PKD2L1: variants seen among roughly 807,000 people sequenced by gnomAD.
PKD2L1 encodes the protein polycystin-2-like protein 1.
In PKD2L1, 77 loss-of-function variants were observed where a neutral mutation model predicts 93.0. That is an observed-to-expected ratio of 0.83 (90% CI 0.69 to 1.00). PKD2L1 has a LOEUF of 1.00. Among genes scored for constraint, PKD2L1 ranks in the 50% least tolerant of loss-of-function variants. The pLI is 0.00. For synonymous variants in PKD2L1, 390 were observed against 388.0 expected (o/e 1.01, Z -0.06); for missense variants, 977 against 990.9 (o/e 0.99, Z 0.19).
At chr10:100,293,514 A>G (rs563474881) in intron 9 of PKD2L1, 135 bp from the exon 10 acceptor site, 5 of 639,032 alleles carry the variant, frequency 7.8e-6, no homozygotes, top group East Asian at 2.8e-5. Context: ...CAGCCCATCA[A>G]TCCCTGCCTC....
chr10:100,294,687 C>A, intron 8 of PKD2L1, 32 bp from the exon 9 acceptor site: 1 of 1,613,488 alleles, frequency 6.2e-7, no homozygotes, highest in Non-Finnish European at 8.5e-7. Flanking sequence ...TTACCCAGAG[C>A]CTAACAAACA....
chr10:100,301,306 A>G (rs1011336706), intron 2 of PKD2L1, among the ~76,000 whole-genome samples: 2 of 152,202 alleles, frequency 1.3e-5, no homozygotes, highest in Non-Finnish European at 2.9e-5. Context: ...AACAGGGTTC[A>G]AGAGCAGAGA....
Position 100,330,105 on chromosome 10 carries a change from G to A in PKD2L1, c.-2C>T. 6.4e-7 allele frequency: 1 copy of A among 1,552,866 alleles called. No homozygotes were observed. The highest frequency in any genetic ancestry group is 8.8e-7 in the Non-Finnish European group (1 of 1,142,550). Reference sequence around the variant, plus strand: ...CTCAGGACTTCCCACAGCATTCATGGGGAATGAGGTGGGGGGGCCCGGTAC... The same window carrying A: ...CTCAGGACTTCCCACAGCATTCATGAGGAATGAGGTGGGGGGGCCCGGTAC... On this transcript the variant is annotated 5_prime_UTR_variant, in exon 1 of 16. Coordinates refer to ENST00000318222, the MANE Select transcript of PKD2L1 (RefSeq NM_016112.3).
intron 4 of PKD2L1, among the ~76,000 whole-genome samples, chr10:100,297,966 C>G (rs1167477487): frequency 1.3e-5 from 2 of 152,000 alleles, no homozygotes; most frequent in African/African-American, 2.4e-5. Context: ...CAAAGCCAAG[C>G]CCCACTTTTG....
Position 100,297,093 on chromosome 10 carries a change from T to G in PKD2L1, c.1072A>C (p.Ile358Leu), listed in dbSNP as rs768263992. ...WDFFIVGCEV[I>L]FCVFIFYYVV... ...TAGTAGAAGATGAAGACGCAGAAGA[T>G]GACCTCACAGCCAACGATAAAGAAG... Residue 358 changes from isoleucine (I) to leucine (L), a missense_variant, in exon 6 of 16, where the codon ATC becomes CTC. Transcript: ENST00000318222. The G allele has an allele frequency of 1.5e-5, 25 of 1,614,138 alleles. No homozygotes were observed. In the Admixed American group the frequency reaches 4.2e-4, roughly 27 times the overall value.
chr10:100,310,069 C>T (rs1008303904), intron 2 of PKD2L1, among the ~76,000 whole-genome samples: 4 of 152,184 alleles, frequency 2.6e-5, no homozygotes, highest in African/African-American at 9.7e-5. Context: ...CGCAGTGGCT[C>T]ACACCTGTAA....
intron 9 of PKD2L1, 50 bp from the exon 10 acceptor site, chr10:100,293,429 G>A (rs1168946508): frequency 1.7e-6 from 2 of 1,204,226 alleles, no homozygotes; most frequent in Non-Finnish European, 2.5e-6. Context: ...CCCACTGAAA[G>A]GATTGAGCCC....
intron 2 of PKD2L1, 33 bp from the exon 3 acceptor site, chr10:100,299,751 C>T: frequency 6.2e-7 from 1 of 1,607,852 alleles, no homozygotes; most frequent in Non-Finnish European, 8.5e-7. Context: ...ATGTCCTTCT[C>T]ACTGTTCCCC....
At chr10:100,298,435 G>A in intron 4 of PKD2L1, 127 bp downstream of exon 4, 5 of 900,356 alleles carry the variant, frequency 5.6e-6, no homozygotes, top group Non-Finnish European at 6.9e-6. Flanking sequence ...TCAGGGAGAT[G>A]CCCCCAGAAG....
Position 100,291,348 on chromosome 10 carries a change from C to T in PKD2L1, c.1960G>A (p.Asp654Asn). 1 of 1,614,074 alleles carries T rather than the reference C, an allele frequency of 6.2e-7. No individual in the cohort carries two copies. ...KFDRDGNRIL[D>N]EKEQEKMRQD... ...CGCATTTTTTCCTGTTCCTTCTCATCCAGAATACGATTCCCATCTCTGTCA... is the reference window on the plus strand; with the variant it reads ...CGCATTTTTTCCTGTTCCTTCTCATTCAGAATACGATTCCCATCTCTGTCA... The change falls in exon 12 of 16, where the codon GAT (aspartate) becomes AAT (asparagine). Residue 654 changes from aspartate (D) to asparagine (N), a missense_variant. By Grantham distance (23) the Asp-to-Asn change is conservative. Coordinates refer to ENST00000318222, the MANE Select transcript of PKD2L1 (RefSeq NM_016112.3).
At chr10:100,318,589 G>A (rs1849155558) in intron 2 of PKD2L1, among the ~76,000 whole-genome samples, 1 of 151,224 alleles carries the variant, frequency 6.6e-6, no homozygotes, top group Admixed American at 6.6e-5. Context: ...CGTGATCTCG[G>A]CTCACTGCAT....
intron 2 of PKD2L1, among the ~76,000 whole-genome samples, chr10:100,314,995 GAAGGAAGGAAGGAA>G (rs1300117275): frequency 1.6e-4 from 2 of 12,774 alleles, no homozygotes; most frequent in East Asian, 2.2e-3. Flanking sequence ...AGGAAGGAAG[GAAGGAAGGAAGGAA>G]GGAAGGGAAG....
chr10:100,291,238 T>C, intron 12 of PKD2L1, 63 bp downstream of exon 12: 8 of 1,551,402 alleles, frequency 5.2e-6, no homozygotes, highest in African/African-American at 2.7e-5. Flanking sequence ...TCTAGGTATG[T>C]TGGGGGAAGG....
At chr10:100,329,486 T>C in intron 1 of PKD2L1, 162 bp from the exon 2 acceptor site, 2 of 948,188 alleles carry the variant, frequency 2.1e-6, no homozygotes, top group South Asian at 1.6e-5. Flanking sequence ...ACACCCATGC[T>C]TGCTCTTCCC....
intron 2 of PKD2L1, among the ~76,000 whole-genome samples, chr10:100,312,794 A>G (rs2133560054): frequency 6.6e-6 from 1 of 152,106 alleles, no homozygotes; most frequent in South Asian, 2.1e-4. Context: ...TTACGAAGAC[A>G]GCAATCAAAC....
chr10:100,322,378 T>C (rs622516), intron 2 of PKD2L1, among the ~76,000 whole-genome samples: 22,410 of 152,032 alleles, frequency 0.15, 1,906 homozygotes, highest in South Asian at 0.35. Context: ...AATACAAAAA[T>C]TAGCCGGGCA....
chr10:100,312,787 C>T (rs1438699350), intron 2 of PKD2L1, among the ~76,000 whole-genome samples: 3 of 151,714 alleles, frequency 2.0e-5, no homozygotes, highest in East Asian at 1.9e-4. Context: ...AAAGAGTTTA[C>T]GAAGACAGCA....
At chr10:100,294,689 T>C (rs568924660) in intron 8 of PKD2L1, 34 bp from the exon 9 acceptor site, 1 of 1,613,264 alleles carries the variant, frequency 6.2e-7, no homozygotes, top group East Asian at 2.2e-5. Context: ...ACCCAGAGCC[T>C]AACAAACACC....
chr10:100,298,037 C>T (rs1040207673), intron 4 of PKD2L1, among the ~76,000 whole-genome samples: 3 of 152,172 alleles, frequency 2.0e-5, no homozygotes, highest in Admixed American at 2.0e-4. Flanking sequence ...GATCCTCCAG[C>T]TCTGTGATTG....
Sources: allele counts gnomAD v4.1 joint callset (sites outside exome capture counted in the v4.1 genomes callset), GRCh38; gene constraint gnomAD v4.1.1; transcripts MANE v1.5; gene names NCBI Gene and HGNC (gene_info 2026-07-23, HGNC 2026-07-21).